KCTD8: variants seen among roughly 807,000 people sequenced by gnomAD.
KCTD8 encodes potassium channel tetramerization domain containing 8.
A neutral mutation model predicts 31.5 loss-of-function variants in KCTD8; 27 were observed. The ratio of observed to expected loss-of-function variants is 0.86; its 90% CI spans 0.63 to 1.18. KCTD8 has a LOEUF of 1.18. Among genes scored for constraint, KCTD8 ranks in the 50% most tolerant of loss-of-function variants. The pLI is 0.00. For synonymous variants in KCTD8, 290 were observed against 280.0 expected (o/e 1.04, Z -0.36); for missense variants, 658 against 647.7 (o/e 1.02, Z -0.17).
At chr4:44,201,503 A>G (rs556630295) in intron 1 of KCTD8, among the ~76,000 whole-genome samples, 3 of 152,132 alleles carry the variant, frequency 2.0e-5, no homozygotes, top group African/African-American at 7.2e-5. Flanking sequence ...ATAAAGCCAC[A>G]TACTTACAAT....
chr4:44,252,179 A>G (rs1715858434), intron 1 of KCTD8, among the ~76,000 whole-genome samples: 1 of 151,800 alleles, frequency 6.6e-6, no homozygotes, highest in African/African-American at 2.4e-5. Context: ...GTTGCTGTGA[A>G]TGCCATTACT....
At chr4:44,187,477 G>T (rs1318140721) in intron 1 of KCTD8, among the ~76,000 whole-genome samples, 6 of 152,220 alleles carry the variant, frequency 3.9e-5, no homozygotes, top group African/African-American at 1.2e-4. Context: ...GAAGCCTGCG[G>T]AACTACTCCC....
intron 1 of KCTD8, among the ~76,000 whole-genome samples, chr4:44,348,598 C>CA (rs1719100837): frequency 6.6e-6 from 1 of 151,750 alleles, no homozygotes; most frequent in Non-Finnish European, 1.5e-5. Context: ...AATTCCTTAC[C>CA]AAAAAATACT....
chr4:44,399,806 T>C (rs1720599675), intron 1 of KCTD8, among the ~76,000 whole-genome samples: 1 of 152,192 alleles, frequency 6.6e-6, no homozygotes, highest in African/African-American at 2.4e-5. Flanking sequence ...CAAACTTAAG[T>C]GGGAGTATGT....
intron 1 of KCTD8, among the ~76,000 whole-genome samples, chr4:44,334,132 G>A (rs1435289858): frequency 6.6e-6 from 1 of 152,066 alleles, no homozygotes; most frequent in Non-Finnish European, 1.5e-5. Context: ...ACCCTACAGA[G>A]AGATACCATA....
intron 1 of KCTD8, among the ~76,000 whole-genome samples, chr4:44,214,845 T>C (rs1293971410): frequency 1.3e-5 from 2 of 152,176 alleles, no homozygotes; most frequent in Non-Finnish European, 2.9e-5. Context: ...AAGTAATAGT[T>C]TAGGAGTCAT....
chr4:44,197,213 G>A (rs1365392272), intron 1 of KCTD8, among the ~76,000 whole-genome samples: 2 of 152,130 alleles, frequency 1.3e-5, no homozygotes, highest in African/African-American at 2.4e-5. Context: ...AGAACACCAA[G>A]AGTGACAAGA....
chr4:44,335,523 A>G (rs1259401716), intron 1 of KCTD8, among the ~76,000 whole-genome samples: 1 of 152,182 alleles, frequency 6.6e-6, no homozygotes, highest in African/African-American at 2.4e-5. Flanking sequence ...GGTGGAGCCC[A>G]GAACAATTTT....
chr4:44,194,049 C>A (rs1459205417), intron 1 of KCTD8, among the ~76,000 whole-genome samples: 1 of 152,026 alleles, frequency 6.6e-6, no homozygotes, highest in Non-Finnish European at 1.5e-5. Flanking sequence ...TATCTTAGAA[C>A]CCATGACTTG....
intron 1 of KCTD8, among the ~76,000 whole-genome samples, chr4:44,290,160 A>G (rs1717227826): frequency 6.6e-6 from 1 of 152,238 alleles, no homozygotes; most frequent in South Asian, 2.1e-4. Context: ...TGCAGGAATC[A>G]CAATTCTTAT....
intron 1 of KCTD8, among the ~76,000 whole-genome samples, chr4:44,213,658 G>A (rs1172751225): frequency 1.3e-5 from 2 of 151,988 alleles, no homozygotes; most frequent in African/African-American, 4.8e-5. Flanking sequence ...TGGTATAAGG[G>A]CAACATACCT....
chr4:44,205,918 G>C (rs1388827797), intron 1 of KCTD8, among the ~76,000 whole-genome samples: 1 of 152,104 alleles, frequency 6.6e-6, no homozygotes, highest in African/African-American at 2.4e-5. Flanking sequence ...CCCCTCTAAA[G>C]CTAATGGCAT....
chr4:44,324,910 A>T (rs1577616812), intron 1 of KCTD8, among the ~76,000 whole-genome samples: 2 of 152,006 alleles, frequency 1.3e-5, no homozygotes, highest in South Asian at 4.1e-4. Context: ...ACTAATTGTG[A>T]TTTTATGTAA....
intron 1 of KCTD8, among the ~76,000 whole-genome samples, chr4:44,185,771 G>A (rs1486459501): frequency 6.7e-6 from 1 of 150,096 alleles, no homozygotes; most frequent in Non-Finnish European, 1.5e-5. Flanking sequence ...ATAACCCATA[G>A]TTGTTTGTTT....
intron 1 of KCTD8, among the ~76,000 whole-genome samples, chr4:44,269,417 G>C (rs1213955854): frequency 3.3e-5 from 5 of 150,974 alleles, no homozygotes; most frequent in African/African-American, 7.3e-5. Flanking sequence ...TTAAATGTTA[G>C]ACCTAAAACC....
intron 1 of KCTD8, among the ~76,000 whole-genome samples, chr4:44,385,357 T>C (rs901777644): frequency 2.0e-5 from 3 of 151,650 alleles, no homozygotes; most frequent in Admixed American, 6.6e-5. Context: ...GATAGACATA[T>C]AGACGAAGGA....
At chr4:44,309,966 T>G (rs981362038) in intron 1 of KCTD8, among the ~76,000 whole-genome samples, 5 of 152,106 alleles carry the variant, frequency 3.3e-5, no homozygotes, top group Non-Finnish European at 5.9e-5. Flanking sequence ...CGTCATAGGA[T>G]CTATATCATT....
chr4:44,211,344 G>T (rs926151985), intron 1 of KCTD8, among the ~76,000 whole-genome samples: 1 of 152,120 alleles, frequency 6.6e-6, no homozygotes, highest in Non-Finnish European at 1.5e-5. Flanking sequence ...ACTTTCCCTT[G>T]TTTGTAAATT....
At chr4:44,312,893 A>T (rs533561456) in intron 1 of KCTD8, among the ~76,000 whole-genome samples, 1 of 152,178 alleles carries the variant, frequency 6.6e-6, no homozygotes, top group Admixed American at 6.5e-5. Flanking sequence ...GCTTTGAAGG[A>T]TCTCAACTTC....
Sources: allele counts gnomAD v4.1 joint callset (sites outside exome capture counted in the v4.1 genomes callset), GRCh38; gene constraint gnomAD v4.1.1; transcripts MANE v1.5; gene names NCBI Gene and HGNC (gene_info 2026-07-23, HGNC 2026-07-21).